PBRM1: variants seen among roughly 807,000 people sequenced by gnomAD.
The protein encoded by PBRM1 is protein polybromo-1.
PBRM1 carries 27 observed loss-of-function variants against 194.5 expected under a neutral mutation model. That is an observed-to-expected ratio of 0.14 (90% CI 0.10 to 0.19). PBRM1 has a LOEUF of 0.19. Ranked by LOEUF, PBRM1 falls within the 10% of genes least tolerant of loss-of-function variation. The probability of loss-of-function intolerance (pLI) is 1.00; values close to 1 mark genes in which losing one functional copy is unlikely to be tolerated. For synonymous variants in PBRM1, 655 were observed against 693.2 expected, an observed-to-expected ratio of 0.94 and a Z score of 0.87; for missense variants, 1,466 against 2,077.2, an observed-to-expected ratio of 0.71 and a Z score of 5.72.
At chr3:52,553,527 C>T (rs1046716525) in intron 27 of PBRM1, among the ~76,000 whole-genome samples, 4 of 140,094 alleles carry the variant, frequency 2.9e-5, no homozygotes, top group Non-Finnish European at 4.5e-5. Context: ...CTCATTCTGT[C>T]GCTCAGGCTG....
intron 13 of PBRM1, among the ~76,000 whole-genome samples, chr3:52,621,163 GC>G (rs2095258659): frequency 6.6e-6 from 1 of 152,106 alleles, no homozygotes; most frequent in African/African-American, 2.4e-5. Context: ...CCATGACAGA[GC>G]CCTATTTGAT....
intron 13 of PBRM1, among the ~76,000 whole-genome samples, chr3:52,619,358 C>T (rs1399541611): frequency 6.6e-6 from 1 of 152,148 alleles, no homozygotes; most frequent in Non-Finnish European, 1.5e-5. Flanking sequence ...ATGTGCACAT[C>T]CTCCTGTATA....
chr3:52,555,581 T>A (rs2082056099), intron 26 of PBRM1, among the ~76,000 whole-genome samples: 1 of 152,126 alleles, frequency 6.6e-6, no homozygotes, highest in Non-Finnish European at 1.5e-5. Flanking sequence ...TCCAGGTCAC[T>A]CAGGAGCCTA....
chr3:52,611,623 C>T (rs1384820516), intron 15 of PBRM1, among the ~76,000 whole-genome samples: 2 of 151,742 alleles, frequency 1.3e-5, no homozygotes, highest in Non-Finnish European at 2.9e-5. Context: ...GGCAACATAG[C>T]AAAACCCTGT....
At chr3:52,635,564 T>TCAAAAA (rs1260373104) in intron 10 of PBRM1, among the ~76,000 whole-genome samples, 4 of 151,940 alleles carry the variant, frequency 2.6e-5, no homozygotes, top group Non-Finnish European at 4.4e-5. Context: ...AGACTCCATC[T>TCAAAAA]CAAAAACAAA....
chr3:52,549,422 T>C (rs904815453), intron 29 of PBRM1, among the ~76,000 whole-genome samples: 22 of 152,008 alleles, frequency 1.4e-4, no homozygotes, highest in Admixed American at 8.5e-4. Flanking sequence ...CACTTCAGCC[T>C]CCCAAAGTGG....
In PBRM1 at chr3:52,636,757, C is replaced by CAAAAAAAAAAAAAAAAAA. The variant is rs567776784; in HGVS notation, c.1088-1960_1088-1943dup. On this transcript the variant is annotated intron_variant, in intron 10 of 29. Coordinates refer to ENST00000296302, the Ensembl canonical transcript of PBRM1. ...GGGCAAAAGAGTGAAACTCTGTCTCCAAAAAAAAAAAAAAAAAAAAAAAAA... is the reference window on the plus strand; with the variant it reads ...GGGCAAAAGAGTGAAACTCTGTCTCCAAAAAAAAAAAAAAAAAAAAAAAAAAAAAAAAAAAAAAAAAAA... 1.4e-3 allele frequency among the ~76,000 whole-genome samples: 27 copies of CAAAAAAAAAAAAAAAAAA among 18,680 alleles called. 3 individuals are homozygous for CAAAAAAAAAAAAAAAAAA. Among genetic ancestry groups the CAAAAAAAAAAAAAAAAAA allele is most frequent in the Non-Finnish European group, 1.9e-3 (19 of 9,746 alleles). The allele number at this position is 18,680 out of a possible 152,430, so 12.3% of individuals were successfully genotyped here.
chr3:52,599,179 G>A (rs1485102581), intron 17 of PBRM1, among the ~76,000 whole-genome samples: 1 of 152,078 alleles, frequency 6.6e-6, no homozygotes. Context: ...GACAGAATGA[G>A]AGCCCATCAC....
intron 4 of PBRM1, among the ~76,000 whole-genome samples, chr3:52,660,410 A>G (rs944330162): frequency 1.3e-5 from 2 of 152,072 alleles, no homozygotes; most frequent in African/African-American, 4.8e-5. Flanking sequence ...AACTATATAC[A>G]TATATTTACA....
At chr3:52,667,890 T>C (rs1378212277) in intron 3 of PBRM1, among the ~76,000 whole-genome samples, 7 of 148,962 alleles carry the variant, frequency 4.7e-5, no homozygotes, top group Admixed American at 3.3e-4. Flanking sequence ...GGAGACTCTG[T>C]CTCTAAAAAA....
chr3:52,565,821 C>A (rs926435389), intron 22 of PBRM1, among the ~76,000 whole-genome samples: 1 of 151,756 alleles, frequency 6.6e-6, no homozygotes, highest in East Asian at 1.9e-4. Flanking sequence ...GAGGCCGAGG[C>A]GGGTGGATCA....
At chr3:52,546,697 G>T, downstream of PBRM1, 2 of 232,786 alleles carry the variant, frequency 8.6e-6, no homozygotes. Flanking sequence ...ATGCCGCCAA[G>T]TGAAACAATG....
intron 14 of PBRM1, 88 bp from the exon 17 acceptor site, chr3:52,615,544 GT>G: frequency 1.3e-6 from 1 of 788,608 alleles, no homozygotes; most frequent in Non-Finnish European, 2.1e-6. Context: ...TAAAAAGACA[GT>G]TTATGATAGT....
chr3:52,656,301 G>A (rs1358712099), intron 5 of PBRM1, among the ~76,000 whole-genome samples: 1 of 151,978 alleles, frequency 6.6e-6, no homozygotes, highest in Non-Finnish European at 1.5e-5. Context: ...AGAATTAAAA[G>A]GAGGAAGAAC....
rs2081250346 is a variant in PBRM1, at chr3:52,552,611, G to A, written c.4610-1794C>T. On this transcript the variant is annotated intron_variant, in intron 27 of 29. Coordinates refer to ENST00000296302, the Ensembl canonical transcript of PBRM1. ...CCTCAATTCTAAGCAGGTGTGTTGG[G>A]CTTCCCTCCAGTTGAATTTAGGATT... is the stretch of plus-strand genomic sequence containing the variant. Among the ~76,000 whole-genome samples, 4 of 152,242 alleles carry A rather than the reference G, an allele frequency of 2.6e-5. No individual in the cohort carries two copies. The South Asian group carries it at 8.3e-4, about 32-fold the overall frequency.
chr3:52,567,062 C>T (rs1262533968), intron 22 of PBRM1, among the ~76,000 whole-genome samples: 2 of 126,440 alleles, frequency 1.6e-5, no homozygotes, highest in African/African-American at 5.9e-5. Flanking sequence ...AGAAAGACTC[C>T]ATCTCAAAAA....
At chr3:52,667,746 CAAA>C (rs34993730) in intron 3 of PBRM1, among the ~76,000 whole-genome samples, 22 of 85,538 alleles carry the variant, frequency 2.6e-4, no homozygotes, top group Admixed American at 5.3e-4. Flanking sequence ...GACTTTGCCT[CAAA>C]AAAAAAAAAA....
chr3:52,568,116 C>G (rs2085924456), intron 22 of PBRM1, among the ~76,000 whole-genome samples: 2 of 151,934 alleles, frequency 1.3e-5, no homozygotes, highest in South Asian at 4.2e-4. Context: ...GTAGCTAGGA[C>G]TATAGATGCC....
intron 20 of PBRM1, among the ~76,000 whole-genome samples, chr3:52,584,525 A>G (rs2092043768): frequency 7.4e-6 from 1 of 135,068 alleles, no homozygotes; most frequent in African/African-American, 2.9e-5. Context: ...GTGCAATCAC[A>G]ATTTACTGCA....
Sources: gnomAD v4.1 joint callset for allele counts (sites outside exome capture counted in the v4.1 genomes callset) on GRCh38, gnomAD v4.1.1 for gene constraint, MANE v1.5 for transcripts, NCBI Gene and HGNC (gene_info 2026-07-23, HGNC 2026-07-21) for gene names.